Variants in CFTR observed in about 807,000 individuals in gnomAD.
CFTR encodes CF transmembrane conductance regulator.
In CFTR, 181 loss-of-function variants were observed where a neutral mutation model predicts 171.6. That is an observed-to-expected ratio of 1.05 (90% confidence interval 0.93 to 1.19). The LOEUF is 1.19. CFTR is among the 50% of genes most tolerant of loss of function. The probability of loss-of-function intolerance (pLI) is 0.00; values close to 1 mark genes in which losing one functional copy is unlikely to be tolerated. For missense variants in CFTR, 1,968 were observed against 1,734.7 expected (o/e 1.13, Z -2.39); for synonymous variants, 583 against 608.0 (o/e 0.96, Z 0.60).
chr7:117,481,734 A>G (rs1182020460), intron 1 of CFTR, among the ~76,000 whole-genome samples: 2 of 152,236 alleles, frequency 1.3e-5, no homozygotes, highest in Non-Finnish European at 2.9e-5. Context: ...CACCTAAAAT[A>G]CCAATGATTA....
intron 22 of CFTR, among the ~76,000 whole-genome samples, chr7:117,638,308 C>G (rs1792857919): frequency 6.6e-6 from 1 of 152,172 alleles, no homozygotes; most frequent in Non-Finnish European, 1.5e-5. Context: ...TTCTACAAAC[C>G]AGATCAGAAT....
intron 3 of CFTR, among the ~76,000 whole-genome samples, chr7:117,520,410 A>C (rs774701619): frequency 3.2e-4 from 49 of 151,590 alleles, no homozygotes; most frequent in South Asian, 6.2e-4. Context: ...GCATGCATCT[A>C]TGTTTTTATT....
chr7:117,510,800 A>G (rs1187517950), intron 3 of CFTR, among the ~76,000 whole-genome samples: 2 of 152,194 alleles, frequency 1.3e-5, no homozygotes, highest in Non-Finnish European at 2.9e-5. Flanking sequence ...GAAGAATTTA[A>G]TATTTATTGA....
At chr7:117,490,499 C>G (rs1798143661) in intron 1 of CFTR, among the ~76,000 whole-genome samples, 1 of 151,990 alleles carries the variant, frequency 6.6e-6, no homozygotes, top group African/African-American at 2.4e-5. Context: ...TCGTCCTTCT[C>G]TGGGAGGCCA....
At chr7:117,481,593 A>G (rs1000345355) in intron 1 of CFTR, among the ~76,000 whole-genome samples, 1 of 152,184 alleles carries the variant, frequency 6.6e-6, no homozygotes, top group Non-Finnish European at 1.5e-5. Context: ...TTGCAAAGAA[A>G]ATGTATTACA....
At chr7:117,586,150 C>G (rs576818953) in intron 11 of CFTR, 5 of 152,110 alleles carry the variant, frequency 3.3e-5, no homozygotes, top group Non-Finnish European at 5.9e-5. Context: ...TGAGTGAAAT[C>G]CACTGCAATT....
intron 22 of CFTR, among the ~76,000 whole-genome samples, chr7:117,639,797 A>G (rs1291921540): frequency 6.6e-6 from 1 of 152,192 alleles, no homozygotes; most frequent in Non-Finnish European, 1.5e-5. Flanking sequence ...TCTCAATACT[A>G]TGTTTCATTA....
intron 11 of CFTR, 92 bp downstream of exon 11, chr7:117,559,747 C>T: frequency 1.2e-6 from 1 of 849,062 alleles, no homozygotes; most frequent in Non-Finnish European, 1.9e-6. Context: ...ATCGGTTAGT[C>T]TACATATATT....
chr7:117,541,801 A>T (rs1300167302), intron 8 of CFTR, among the ~76,000 whole-genome samples: 2 of 152,162 alleles, frequency 1.3e-5, no homozygotes, highest in Non-Finnish European at 2.9e-5. Context: ...ATAAAATATC[A>T]TATGTTTAGA....
chr7:117,546,847 C>A (rs946011331), intron 9 of CFTR, among the ~76,000 whole-genome samples: 18 of 152,158 alleles, frequency 1.2e-4, no homozygotes, highest in African/African-American at 3.9e-4. Flanking sequence ...CACCTATAAC[C>A]ATTTCTTAGT....
At chr7:117,507,648 G>C (rs903757458) in intron 2 of CFTR, among the ~76,000 whole-genome samples, 2 of 152,194 alleles carry the variant, frequency 1.3e-5, no homozygotes, top group Non-Finnish European at 2.9e-5. Flanking sequence ...ATGTGGGGAG[G>C]GAAATAGATG....
rs796889936 is a variant in CFTR, at chr7:117,529,176, C to G, written c.274-1723C>G. ...TGTGGCACATATACACCATGGAATA[C>G]TATACAGCCATAAAAAATGATGAGT... is the stretch of plus-strand genomic sequence containing the variant. On this transcript the variant is annotated intron_variant, in intron 3 of 26. Transcript: ENST00000003084. 3.9e-3 allele frequency among the ~76,000 whole-genome samples: 356 copies of G among 91,628 alleles called. 52 individuals carry two copies. The South Asian group carries it at 0.12, about 31-fold the overall frequency. 60.1% of individuals were successfully genotyped at this position (91,628 alleles called of 152,430 possible). A position where few individuals can be genotyped will look rare whatever the true frequency, so the allele number is the denominator to read the frequency against.
At chr7:117,501,929 C>T (rs553722154) in intron 1 of CFTR, among the ~76,000 whole-genome samples, 3 of 152,224 alleles carry the variant, frequency 2.0e-5, no homozygotes, top group South Asian at 4.2e-4. Flanking sequence ...TTTCATTGTA[C>T]TATATTCTAA....
intron 11 of CFTR, among the ~76,000 whole-genome samples, chr7:117,584,926 T>G (rs2097609): frequency 0.083 from 12,471 of 149,646 alleles, 655 homozygotes; most frequent in Middle Eastern, 0.15. Context: ...AGTTTTTTTT[T>G]TTTGTTTGTT....
Position 117,509,057 on chromosome 7 carries a change from C to T in CFTR, c.188C>T (p.Ser63Leu). The T allele has an allele frequency of 6.2e-7, 1 of 1,611,854 alleles. No individual in the cohort carries two copies. Among genetic ancestry groups the T allele is most frequent in the Non-Finnish European group, 8.5e-7 (1 of 1,178,266 alleles). The change falls in exon 3 of 27, where the codon TCA becomes TTA. Residue 63 changes from serine to leucine, a missense_variant. Ser to Leu is a moderately radical substitution (Grantham distance 145). Coordinates refer to ENST00000003084, the MANE Select transcript of CFTR (RefSeq NM_000492.4). ...AGAGAATGGGATAGAGAGCTGGCTT[C>T]AAAGAAAAATCCTAAACTCATTAAT... ...LEREWDRELA[S>L]KKNPKLINAL...
Position 117,592,131 on chromosome 7 carries a change from C to T in CFTR, c.1964C>T (p.Ala655Val). The change falls in exon 14 of 27, where the codon GCA (alanine) becomes GTA (valine). Residue 655 changes from alanine (A) to valine (V), a missense_variant. Coordinates refer to ENST00000003084, the MANE Select transcript of CFTR (RefSeq NM_000492.4). ...MGCDSFDQFSAERRNSILTET... is the reference protein window; with the variant it reads ...MGCDSFDQFSVERRNSILTET... ...TGTGATTCTTTCGACCAATTTAGTG[C>T]AGAAAGAAGAAATTCAATCCTAACT... The T allele has an allele frequency of 1.2e-6, 2 of 1,613,802 alleles. No individual in the cohort carries two copies. Among genetic ancestry groups the T allele is most frequent in the African/African-American group, 1.3e-5 (1 of 75,006 alleles).
chr7:117,656,764 A>G (rs1793189866), intron 24 of CFTR, among the ~76,000 whole-genome samples: 1 of 152,192 alleles, frequency 6.6e-6, no homozygotes, highest in Admixed American at 6.5e-5. Flanking sequence ...TGAGCCTCAA[A>G]GGTCTTCTTA....
At position 117,507,895 on chromosome 7, in the gene CFTR, G is replaced by A. The variant is rs117492186; in HGVS notation, c.165-1139G>A. The stretch of plus-strand genomic sequence containing the variant: ...CAAACTCTGCCTCCTGGGTTCAAGC[G>A]AATCTCAGTCTCCTGAGTAGCTGGG... On this transcript the variant is annotated intron_variant, in intron 2 of 26. Transcript: ENST00000003084. Among the ~76,000 whole-genome samples the A allele has an allele frequency of 3.7e-3, 561 of 152,244 alleles. 2 individuals are homozygous for A. The highest frequency in any genetic ancestry group is 0.027 in the Middle Eastern group (8 of 294).
At chr7:117,554,694 T>G (rs967742896) in intron 10 of CFTR, among the ~76,000 whole-genome samples, 2 of 151,948 alleles carry the variant, frequency 1.3e-5, no homozygotes, top group African/African-American at 4.8e-5. Context: ...AAAATAAAAG[T>G]CTGAGAAGAC....
Sources: allele counts gnomAD v4.1 joint callset (sites outside exome capture counted in the v4.1 genomes callset), GRCh38; gene constraint gnomAD v4.1.1; transcripts MANE v1.5; gene names NCBI Gene and HGNC (gene_info 2026-07-23, HGNC 2026-07-21).